ZNF804B: variants seen among roughly 807,000 people sequenced by gnomAD.
ZNF804B encodes the protein zinc finger protein 804B, also known as zinc finger 804B.
ZNF804B carries 80 observed loss-of-function variants against 101.4 expected under a neutral mutation model. The observed-to-expected ratio is 0.79, with a 90% CI of 0.66 to 0.95. The LOEUF (loss-of-function observed/expected upper bound fraction) is 0.95. Among genes scored for constraint, ZNF804B ranks in the 40% least tolerant of loss-of-function variants. The pLI, the probability that ZNF804B is intolerant of heterozygous loss-of-function variation, is 0.00. For synonymous variants in ZNF804B, 622 were observed against 558.8 expected (o/e 1.11, Z -1.59); for missense variants, 1,673 against 1,561.9 (o/e 1.07, Z -1.20).
chr7:89,084,821 A>G (rs975840424), intron 1 of ZNF804B, among the ~76,000 whole-genome samples: 1 of 151,818 alleles, frequency 6.6e-6, no homozygotes, highest in African/African-American at 2.4e-5. Context: ...TATGATTTCT[A>G]TTTTTCACAT....
At chr7:89,049,055 G>A (rs574227499) in intron 1 of ZNF804B, among the ~76,000 whole-genome samples, 2 of 151,638 alleles carry the variant, frequency 1.3e-5, no homozygotes, top group Admixed American at 6.6e-5. Context: ...TTTCCCAAAC[G>A]CATTTGCTTT....
rs955757924 is a variant in ZNF804B, at chr7:88,778,298, G to A, written c.108+18214G>A. On this transcript the variant is annotated intron_variant, in intron 1 of 3. Coordinates refer to ENST00000333190, the MANE Select transcript of ZNF804B (RefSeq NM_181646.5). ...TTCTCTGTATTGGGAAAAACTCTTT[G>A]CTTTAAATAACTCATGGTTCGATCG... 4.6e-5 allele frequency among the ~76,000 whole-genome samples: 7 copies of A among 152,192 alleles called. 1 individual carries two copies. In the East Asian group the frequency reaches 9.7e-4, roughly 21 times the overall value.
intron 1 of ZNF804B, among the ~76,000 whole-genome samples, chr7:88,871,959 ACT>A (rs753434690): frequency 3.3e-5 from 5 of 151,902 alleles, no homozygotes; most frequent in Non-Finnish European, 7.4e-5. Flanking sequence ...CAAGGGTGAA[ACT>A]CTGTCTCAAA....
intron 1 of ZNF804B, among the ~76,000 whole-genome samples, chr7:89,209,497 A>C (rs1224899551): frequency 3.9e-5 from 6 of 152,224 alleles, no homozygotes; most frequent in Non-Finnish European, 8.8e-5. Context: ...AAGAATCTGC[A>C]GTTCTGATTA....
chr7:88,854,410 T>TCTTTCTTTCTTC (rs1562812538), intron 1 of ZNF804B, among the ~76,000 whole-genome samples: 6 of 132,644 alleles, frequency 4.5e-5, no homozygotes, highest in African/African-American at 9.1e-5. Flanking sequence ...TTTCTTTCTT[T>TCTTTCTTTCTTC]CTTCCTTTCT....
At chr7:89,049,090 TATC>T (rs1789157518) in intron 1 of ZNF804B, among the ~76,000 whole-genome samples, 1 of 150,532 alleles carries the variant, frequency 6.6e-6, no homozygotes, top group Non-Finnish European at 1.5e-5. Flanking sequence ...CGCTATTGTC[TATC>T]ATTAACATAT....
intron 1 of ZNF804B, among the ~76,000 whole-genome samples, chr7:89,204,392 AC>A (rs1562914969): frequency 6.6e-6 from 1 of 152,192 alleles, no homozygotes; most frequent in Non-Finnish European, 1.5e-5. Flanking sequence ...TATAAATGGA[AC>A]AGCATTGTGA....
At chr7:89,045,782 C>T (rs756436091) in intron 1 of ZNF804B, among the ~76,000 whole-genome samples, 1 of 152,062 alleles carries the variant, frequency 6.6e-6, no homozygotes, top group Non-Finnish European at 1.5e-5. Context: ...TTCATAGGCT[C>T]TTAGGTGGAA....
At chr7:88,853,432 C>A (rs577377193) in intron 1 of ZNF804B, among the ~76,000 whole-genome samples, 1 of 152,042 alleles carries the variant, frequency 6.6e-6, no homozygotes, top group East Asian at 1.9e-4. Context: ...CACTGCTCTC[C>A]TAGAGTTCTT....
intron 1 of ZNF804B, among the ~76,000 whole-genome samples, chr7:88,787,311 G>C (rs1790317466): frequency 6.6e-6 from 1 of 152,060 alleles, no homozygotes; most frequent in African/African-American, 2.4e-5. Flanking sequence ...GAATAATTTT[G>C]ATCAGGGGAA....
intron 1 of ZNF804B, among the ~76,000 whole-genome samples, chr7:89,192,978 G>C (rs765599129): frequency 6.6e-6 from 1 of 151,976 alleles, no homozygotes; most frequent in Non-Finnish European, 1.5e-5. Flanking sequence ...CAATAAACTA[G>C]GTATTGAAGG....
intron 1 of ZNF804B, among the ~76,000 whole-genome samples, chr7:89,100,084 T>C (rs2116336938): frequency 6.6e-6 from 1 of 152,284 alleles, no homozygotes; most frequent in South Asian, 2.1e-4. Flanking sequence ...TGACAGTTTT[T>C]CCCTTGGGAA....
chr7:88,832,931 A>G (rs925714488), intron 1 of ZNF804B, among the ~76,000 whole-genome samples: 2 of 151,984 alleles, frequency 1.3e-5, no homozygotes, highest in Non-Finnish European at 2.9e-5. Context: ...CATTTCTTGC[A>G]CTATGAACTC....
rs753765369 is a variant in ZNF804B at position 89,333,755 on chromosome 7, AAAC to A, written c.774_776del (p.Gln258_Thr259delinsHis). 121 of 1,613,630 alleles carry A rather than the reference AAAC, an allele frequency of 7.5e-5. 3 individuals carry two copies. In the South Asian group the frequency reaches 1.1e-3, roughly 14 times the overall value. The stretch of plus-strand genomic sequence containing the variant: ...AAGTCACCCATTTATAAAACAAAAC[AAAC>A]TGCAGATAAGTGCAAGTGCTGCAGG... On this transcript the variant is annotated inframe_deletion, in exon 4 of 4. Transcript: ENST00000333190.
At chr7:88,881,794 A>G (rs1233564214) in intron 1 of ZNF804B, among the ~76,000 whole-genome samples, 6 of 152,214 alleles carry the variant, frequency 3.9e-5, no homozygotes, top group African/African-American at 1.2e-4. Context: ...TTAAGATATC[A>G]CTGAGAATAC....
At position 89,336,459 on chromosome 7, in the gene ZNF804B, G is replaced by A. The variant is rs764564815; in HGVS notation, c.3477G>A (p.Lys1159=). 2.5e-6 allele frequency: 4 copies of A among 1,613,870 alleles called. No homozygotes were observed. In the East Asian group the frequency reaches 6.7e-5, roughly 27 times the overall value. The change falls in exon 4 of 4, where the codon AAG becomes AAA. Residue 1159 remains lysine, a synonymous_variant. Transcript: ENST00000333190. The part of the protein sequence containing the change: ...TFSPDEIDKY[K]ILQLQAQQHM... ...CTCCTGACGAAATAGATAAATATAA[G>A]ATCCTACAGCTACAAGCCCAGCAGC...
At chr7:88,930,092 TAAAC>T (rs1173292662) in intron 1 of ZNF804B, among the ~76,000 whole-genome samples, 1 of 151,954 alleles carries the variant, frequency 6.6e-6, no homozygotes. Flanking sequence ...TTGAGATCAT[TAAAC>T]AAATGTTTAG....
At chr7:89,060,909 A>G (rs1345712664) in intron 1 of ZNF804B, among the ~76,000 whole-genome samples, 1 of 152,148 alleles carries the variant, frequency 6.6e-6, no homozygotes, top group African/African-American at 2.4e-5. Flanking sequence ...TCCTGGCTTT[A>G]TTGGCAACTG....
intron 2 of ZNF804B, among the ~76,000 whole-genome samples, chr7:89,264,207 T>C (rs947216450): frequency 6.6e-6 from 1 of 152,160 alleles, no homozygotes; most frequent in Non-Finnish European, 1.5e-5. Context: ...TGTAATCTGG[T>C]AGACATTTTC....
Sources: allele counts gnomAD v4.1 joint callset (sites outside exome capture counted in the v4.1 genomes callset), GRCh38; gene constraint gnomAD v4.1.1; transcripts MANE v1.5; gene names NCBI Gene and HGNC (gene_info 2026-07-23, HGNC 2026-07-21).